The following TMEM156 variants were observed in gnomAD, a reference collection of about 807,000 sequenced individuals.
TMEM156 encodes the protein transmembrane protein 156.
TMEM156 carries 28 observed loss-of-function variants against 30.5 expected under a neutral mutation model. The observed-to-expected ratio is 0.92, with a 90% CI of 0.68 to 1.26. The LOEUF (loss-of-function observed/expected upper bound fraction) is 1.26, where lower values mean the gene tolerates loss of function less well. Ranked by LOEUF, TMEM156 falls within the 50% of genes most tolerant of loss-of-function variation. The probability of loss-of-function intolerance (pLI) is 0.00; values close to 1 mark genes in which losing one functional copy is unlikely to be tolerated. For missense variants in TMEM156, 351 were observed against 340.6 expected, an observed-to-expected ratio of 1.03 and a Z score of -0.24; for synonymous variants, 137 against 119.9, an observed-to-expected ratio of 1.14 and a Z score of -0.93.
At chr4:38,986,737 G>T (rs1238995126) in intron 4 of TMEM156, among the ~76,000 whole-genome samples, 3 of 135,526 alleles carry the variant, frequency 2.2e-5, no homozygotes, top group African/African-American at 8.2e-5. Flanking sequence ...GAACCCAGGA[G>T]GTGGAGGTTG....
intron 1 of TMEM156, among the ~76,000 whole-genome samples, chr4:39,019,999 C>A (rs1445469068): frequency 3.3e-5 from 5 of 152,172 alleles, no homozygotes; most frequent in Non-Finnish European, 7.4e-5. Flanking sequence ...CTATTCTATT[C>A]TCTGCCACTG....
chr4:38,994,063 T>C (rs778172295), intron 2 of TMEM156, 65 bp from the exon 3 acceptor site: 4 of 1,389,496 alleles, frequency 2.9e-6, no homozygotes, highest in Non-Finnish European at 4.0e-6. Flanking sequence ...ACACATACAA[T>C]TCAAAACTAA....
intron 5 of TMEM156, among the ~76,000 whole-genome samples, chr4:38,979,837 T>C (rs1723088812): frequency 6.6e-6 from 1 of 152,214 alleles, no homozygotes; most frequent in African/African-American, 2.4e-5. Flanking sequence ...TCTTATTCAG[T>C]TCAGTGATCT....
intron 1 of TMEM156, among the ~76,000 whole-genome samples, chr4:39,010,622 C>A (rs1015547250): frequency 1.3e-5 from 2 of 152,162 alleles, no homozygotes; most frequent in African/African-American, 4.8e-5. Flanking sequence ...TGCACACCTA[C>A]AACCAACTGA....
intron 2 of TMEM156, 152 bp from the exon 3 acceptor site, chr4:38,994,150 G>T (rs1252041986): frequency 2.8e-6 from 2 of 727,028 alleles, no homozygotes; most frequent in Non-Finnish European, 4.4e-6. Flanking sequence ...TTTGAGACAG[G>T]GTCTCACTCC....
chr4:39,030,415 T>C (rs1020973136), intron 1 of TMEM156, among the ~76,000 whole-genome samples: 2 of 152,162 alleles, frequency 1.3e-5, no homozygotes, highest in African/African-American at 2.4e-5. Context: ...GAAGTTTGGC[T>C]AAGATGGATT....
At chr4:38,993,378 G>A (rs1050193086) in intron 3 of TMEM156, among the ~76,000 whole-genome samples, 1 of 152,028 alleles carries the variant, frequency 6.6e-6, no homozygotes, top group East Asian at 1.9e-4. Flanking sequence ...GCTGCAGTGA[G>A]CAGTGATCGT....
chr4:38,996,395 T>C (rs1712938420), intron 2 of TMEM156, among the ~76,000 whole-genome samples: 1 of 143,664 alleles, frequency 7.0e-6, no homozygotes, highest in Non-Finnish European at 1.5e-5. Context: ...ACCCCGTCTC[T>C]ACTAAAAATA....
intron 6 of TMEM156, among the ~76,000 whole-genome samples, chr4:38,968,242 C>T (rs187048511): frequency 4.1e-3 from 623 of 152,252 alleles, no homozygotes; most frequent in African/African-American, 0.014. Flanking sequence ...GTGTTCATGC[C>T]AGTTTCTTTC....
chr4:39,021,327 C>T (rs2110055795), intron 1 of TMEM156, among the ~76,000 whole-genome samples: 1 of 150,368 alleles, frequency 6.7e-6, no homozygotes, highest in South Asian at 2.1e-4. Flanking sequence ...CCGCTTGAGC[C>T]CTGGAGGTCA....
At chr4:39,001,065 C>A (rs1713309258) in intron 1 of TMEM156, among the ~76,000 whole-genome samples, 1 of 151,764 alleles carries the variant, frequency 6.6e-6, no homozygotes, top group Non-Finnish European at 1.5e-5. Context: ...AATAGGCAAC[C>A]TATCTTTCAG....
At chr4:39,021,083 T>A (rs372214352) in intron 1 of TMEM156, among the ~76,000 whole-genome samples, 1 of 152,228 alleles carries the variant, frequency 6.6e-6, no homozygotes, top group African/African-American at 2.4e-5. Flanking sequence ...TTTTCATATA[T>A]GTATTGGCCA....
At chr4:38,993,586 CAG>C in intron 3 of TMEM156, 150 bp downstream of exon 3, 2 of 704,514 alleles carry the variant, frequency 2.8e-6, no homozygotes, top group South Asian at 4.0e-5. Flanking sequence ...GAAAAATAAA[CAG>C]ATAAATAGAC....
At chr4:39,027,210 A>T (rs1715252163) in intron 1 of TMEM156, among the ~76,000 whole-genome samples, 2 of 152,238 alleles carry the variant, frequency 1.3e-5, no homozygotes, top group South Asian at 4.1e-4. Flanking sequence ...GGGATTACTG[A>T]TTAAATATTT....
chr4:38,996,609 C>T (rs1484823122), intron 2 of TMEM156, among the ~76,000 whole-genome samples: 2 of 151,824 alleles, frequency 1.3e-5, no homozygotes, highest in Admixed American at 1.3e-4. Context: ...TAAGCGTTGG[C>T]AAAAATGTGA....
At chr4:39,014,820 AAAAG>A (rs530533230) in intron 1 of TMEM156, among the ~76,000 whole-genome samples, 1 of 152,102 alleles carries the variant, frequency 6.6e-6, no homozygotes, top group South Asian at 2.1e-4. Flanking sequence ...CTTTTTTTAA[AAAAG>A]AAATAAATAA....
At chr4:39,017,758 C>T (rs1714597555) in intron 1 of TMEM156, among the ~76,000 whole-genome samples, 1 of 152,106 alleles carries the variant, frequency 6.6e-6, no homozygotes, top group Non-Finnish European at 1.5e-5. Flanking sequence ...TATATCCTGA[C>T]CTTCTTTATT....
chr4:38,987,675 A>C (rs563920718), intron 4 of TMEM156, among the ~76,000 whole-genome samples: 1 of 152,198 alleles, frequency 6.6e-6, no homozygotes, highest in Non-Finnish European at 1.5e-5. Context: ...TGCACTAGAC[A>C]CTGTGGTAAA....
chr4:38,986,187 T>G lies in TMEM156; in HGVS notation c.823+149A>C, dbSNP rs373005082. 17 of 612,490 alleles carry G rather than the reference T, an allele frequency of 2.8e-5. No homozygotes were observed. The East Asian group carries it at 4.7e-4, about 17-fold the overall frequency. The allele number at this position is 612,490 out of a possible 1,614,324, so 37.9% of individuals were successfully genotyped here. A position where few individuals can be genotyped will look rare whatever the true frequency, so the allele number is the denominator to read the frequency against. On this transcript the variant is annotated intron_variant, in intron 5 of 6. Transcript: ENST00000381938. ...CCCCTGATAATAAGACATATTAAAC[T>G]GGATTTCATTTGCCCACAGCTCTGT...
Sources: allele counts gnomAD v4.1 joint callset (sites outside exome capture counted in the v4.1 genomes callset), GRCh38; gene constraint gnomAD v4.1.1; transcripts MANE v1.5; gene names NCBI Gene and HGNC (gene_info 2026-07-23, HGNC 2026-07-21).